Variants in SGCZ observed in about 807,000 individuals in gnomAD.
SGCZ encodes the protein sarcoglycan zeta.
SGCZ carries 40 observed loss-of-function variants against 41.3 expected under a neutral mutation model. The ratio of observed to expected loss-of-function variants is 0.97; its 90% CI spans 0.75 to 1.26. SGCZ has a LOEUF of 1.26. Among genes scored for constraint, SGCZ ranks in the 50% most tolerant of loss-of-function variants. The pLI is 0.00. For synonymous variants in SGCZ, 206 were observed against 137.5 expected (o/e 1.50, Z -3.49); for missense variants, 552 against 369.8 (o/e 1.49, Z -4.04).
intron 1 of SGCZ, among the ~76,000 whole-genome samples, chr8:15,042,221 C>G (rs530000137): frequency 3.9e-5 from 6 of 152,232 alleles, no homozygotes; most frequent in African/African-American, 1.4e-4. Context: ...GTAGACCAGC[C>G]TTCATTCCTG....
chr8:14,280,901 C>T (rs1800408069), intron 3 of SGCZ, among the ~76,000 whole-genome samples: 1 of 150,868 alleles, frequency 6.6e-6, no homozygotes, highest in African/African-American at 2.4e-5. Flanking sequence ...GGAGAAAGTA[C>T]ATATGAAACA....
intron 1 of SGCZ, among the ~76,000 whole-genome samples, chr8:15,177,831 G>T (rs1278068492): frequency 6.6e-6 from 1 of 152,100 alleles, no homozygotes; most frequent in Non-Finnish European, 1.5e-5. Context: ...TTTCATGGGC[G>T]CCTCTGTCCA....
At chr8:15,144,158 G>C (rs906177567) in intron 1 of SGCZ, among the ~76,000 whole-genome samples, 4 of 152,152 alleles carry the variant, frequency 2.6e-5, no homozygotes, top group Non-Finnish European at 5.9e-5. Context: ...CTGGCATTTT[G>C]AAGTTGGTGT....
At position 14,893,405 on chromosome 8, in the gene SGCZ, T is replaced by C. The variant is rs193206997; in HGVS notation, c.40-338479A>G. 2.6e-5 allele frequency among the ~76,000 whole-genome samples: 4 copies of C among 152,230 alleles called. No homozygotes were observed. The East Asian group carries it at 7.7e-4, about 29-fold the overall frequency. On this transcript the variant is annotated intron_variant, in intron 1 of 7. Transcript: ENST00000382080. ...GTCAAACTTCTGGCCTATAAAATGA[T>C]AAGGTAATAAATATAAGGTGTTTTA...
intron 3 of SGCZ, among the ~76,000 whole-genome samples, chr8:14,265,255 A>T (rs1156724106): frequency 1.3e-5 from 2 of 152,158 alleles, no homozygotes; most frequent in Non-Finnish European, 2.9e-5. Flanking sequence ...CCCTGAGATA[A>T]CTTTGCCGAG....
rs145320374 is a variant in SGCZ, at chr8:14,123,396, A to G, written c.548-15161T>C. On this transcript the variant is annotated intron_variant, in intron 5 of 7. Coordinates refer to ENST00000382080, the MANE Select transcript of SGCZ (RefSeq NM_139167.4). ...AATGTGGGAAATGAAGTGATGTTAAACAATTTGTGGGTAAATGGGAAAATG... is the reference window on the plus strand; with the variant it reads ...AATGTGGGAAATGAAGTGATGTTAAGCAATTTGTGGGTAAATGGGAAAATG... Among the ~76,000 whole-genome samples the G allele has an allele frequency of 1.3e-3, 203 of 152,318 alleles. 1 individual carries two copies. Among genetic ancestry groups the G allele is most frequent in the African/African-American group, 4.8e-3 (198 of 41,584 alleles).
intron 1 of SGCZ, among the ~76,000 whole-genome samples, chr8:15,067,333 C>A (rs531008666): frequency 7.9e-4 from 120 of 152,132 alleles, no homozygotes; most frequent in Non-Finnish European, 1.5e-3. Flanking sequence ...TCTTCAATTT[C>A]ACAATTGGTC....
intron 3 of SGCZ, among the ~76,000 whole-genome samples, chr8:14,287,920 G>C (rs939664228): frequency 1.3e-5 from 2 of 152,044 alleles, no homozygotes; most frequent in Non-Finnish European, 2.9e-5. Flanking sequence ...GTATTTTAGA[G>C]GGACTATAGG....
chr8:14,282,040 C>T (rs1261477257), intron 3 of SGCZ, among the ~76,000 whole-genome samples: 1 of 152,036 alleles, frequency 6.6e-6, no homozygotes, highest in South Asian at 2.1e-4. Flanking sequence ...ACCATATTGG[C>T]TCTAGTTAAA....
chr8:14,177,784 A>T (rs1725968147), intron 4 of SGCZ, among the ~76,000 whole-genome samples: 1 of 146,184 alleles, frequency 6.8e-6, no homozygotes, highest in Non-Finnish European at 1.5e-5. Flanking sequence ...TCAGCCTCCC[A>T]AAGTGCTGGG....
At chr8:14,274,110 A>G (rs1193700324) in intron 3 of SGCZ, among the ~76,000 whole-genome samples, 1 of 152,046 alleles carries the variant, frequency 6.6e-6, no homozygotes, top group Non-Finnish European at 1.5e-5. Flanking sequence ...GTTTTCTTGA[A>G]GTTTCATTTG....
At chr8:15,158,824 G>C (rs1192192043) in intron 1 of SGCZ, among the ~76,000 whole-genome samples, 1 of 152,188 alleles carries the variant, frequency 6.6e-6, no homozygotes, top group Non-Finnish European at 1.5e-5. Context: ...TCTAGACAGG[G>C]AGAAAGATCC....
intron 2 of SGCZ, among the ~76,000 whole-genome samples, chr8:14,339,284 C>T (rs188759025): frequency 7.3e-4 from 111 of 152,282 alleles, no homozygotes; most frequent in Non-Finnish European, 1.1e-3. Flanking sequence ...TGGTTTACAC[C>T]TGCCTAAAAG....
intron 6 of SGCZ, among the ~76,000 whole-genome samples, chr8:14,106,730 G>A (rs765153519): frequency 1.3e-5 from 2 of 152,112 alleles, no homozygotes; most frequent in Non-Finnish European, 2.9e-5. Context: ...TGCTTCCCAA[G>A]ACACCAACTG....
chr8:14,650,874 T>A (rs1807375755), intron 1 of SGCZ, among the ~76,000 whole-genome samples: 1 of 152,084 alleles, frequency 6.6e-6, no homozygotes, highest in Non-Finnish European at 1.5e-5. Context: ...ATATGAATGA[T>A]AAAATTTTAC....
intron 2 of SGCZ, among the ~76,000 whole-genome samples, chr8:14,507,768 G>GTTTTTTTTT (rs1343027652): frequency 1.6e-5 from 1 of 62,218 alleles, no homozygotes; most frequent in African/African-American, 8.8e-5. Context: ...TTGTTTTTTT[G>GTTTTTTTTT]TTTTTGTTTT....
chr8:14,495,894 G>C (rs1161942930), intron 2 of SGCZ, among the ~76,000 whole-genome samples: 1 of 152,148 alleles, frequency 6.6e-6, no homozygotes, highest in African/African-American at 2.4e-5. Flanking sequence ...GCCAGCAGCT[G>C]AGTCCATCCC....
chr8:14,448,587 C>A (rs1213047997), intron 2 of SGCZ, among the ~76,000 whole-genome samples: 1 of 152,170 alleles, frequency 6.6e-6, no homozygotes, highest in East Asian at 1.9e-4. Context: ...TACACTCAGG[C>A]ACACCGACTA....
At chr8:14,949,081 A>G (rs564743593) in intron 1 of SGCZ, among the ~76,000 whole-genome samples, 1 of 152,240 alleles carries the variant, frequency 6.6e-6, no homozygotes, top group African/African-American at 2.4e-5. Flanking sequence ...TGAAACTTAC[A>G]CCGCCCAGAA....
Sources: gnomAD v4.1 joint callset for allele counts (sites outside exome capture counted in the v4.1 genomes callset) on GRCh38, gnomAD v4.1.1 for gene constraint, MANE v1.5 for transcripts, NCBI Gene and HGNC (gene_info 2026-07-23, HGNC 2026-07-21) for gene names.